Variants in SPECC1 observed in about 807,000 individuals in gnomAD.
SPECC1 encodes the protein sperm antigen with calponin homology and coiled-coil domains 1, also known as cytospin-B.
In SPECC1, 62 loss-of-function variants were observed where a neutral mutation model predicts 104.1. That is an observed-to-expected ratio of 0.60 (90% CI 0.49 to 0.74). The LOEUF is 0.74. Ranked by LOEUF, SPECC1 falls within the 30% of genes least tolerant of loss-of-function variation. The pLI, the probability that SPECC1 is intolerant of heterozygous loss-of-function variation, is 0.00. For synonymous variants in SPECC1, 513 were observed against 501.6 expected (o/e 1.02, Z -0.30); for missense variants, 1,306 against 1,310.5 (o/e 1.00, Z 0.05).
intron 7 of SPECC1, chr17:20,239,057 C>T: frequency 9.7e-7 from 1 of 1,032,638 alleles, no homozygotes; most frequent in Non-Finnish European, 1.2e-6. Context: ...AGGAGGTTGA[C>T]ATGGAATATG....
intron 1 of SPECC1, among the ~76,000 whole-genome samples, chr17:20,041,983 C>G (rs944569390): frequency 1.3e-5 from 2 of 152,174 alleles, no homozygotes; most frequent in Non-Finnish European, 2.9e-5. Flanking sequence ...TATCTGTGCT[C>G]TCTTAGTGCT....
At chr17:20,013,327 G>A (rs2044004535) in intron 1 of SPECC1, among the ~76,000 whole-genome samples, 2 of 152,154 alleles carry the variant, frequency 1.3e-5, no homozygotes, top group Non-Finnish European at 2.9e-5. Context: ...CCAGCAATGC[G>A]TGAGAATTTC....
At chr17:20,027,839 T>A (rs1051701454) in intron 1 of SPECC1, among the ~76,000 whole-genome samples, 9 of 152,216 alleles carry the variant, frequency 5.9e-5, no homozygotes, top group African/African-American at 1.7e-4. Context: ...AGCTTTGTTC[T>A]TTTTGCTTAA....
intron 1 of SPECC1, among the ~76,000 whole-genome samples, chr17:20,043,089 G>A (rs1301549500): frequency 6.6e-6 from 1 of 152,198 alleles, no homozygotes; most frequent in Non-Finnish European, 1.5e-5. Flanking sequence ...TCTTTGGAGA[G>A]GCCAAGCAAG....
intron 1 of SPECC1, among the ~76,000 whole-genome samples, chr17:20,015,830 C>T (rs1162449449): frequency 6.7e-6 from 1 of 150,110 alleles, no homozygotes; most frequent in African/African-American, 2.4e-5. Flanking sequence ...GTGATCCGCC[C>T]GCCTCGGCCT....
intron 12 of SPECC1, among the ~76,000 whole-genome samples, chr17:20,288,560 G>A (rs1258051987): frequency 1.3e-5 from 2 of 152,104 alleles, no homozygotes; most frequent in Non-Finnish European, 2.9e-5. Context: ...CCAGAATGGC[G>A]ATTATTAAAA....
rs371442923 is a variant in SPECC1 at position 20,257,499 on chromosome 17, G to A, written c.2729G>A (p.Arg910His). The A allele has an allele frequency of 3.8e-5, 61 of 1,609,926 alleles. No individual in the cohort carries two copies. In the African/African-American group the frequency reaches 5.0e-4, roughly 13 times the overall value. ...TETLKPDPHL[R>H]KSPSLESLSR... Reference sequence around the variant, plus strand: ...ACCCTGAAGCCAGACCCCCACCTCCGCAAGAGTCCCTCACTAGAGTCACTG... The same window carrying A: ...ACCCTGAAGCCAGACCCCCACCTCCACAAGAGTCCCTCACTAGAGTCACTG... Residue 910 changes from arginine to histidine, a missense_variant, in exon 11 of 15, where the codon CGC becomes CAC. Around this residue, in one of 2 missense-constraint regions of SPECC1, gnomAD observed 1,177 missense variants for 1,139.9 expected, o/e 1.03. Coordinates refer to ENST00000395527, the MANE Select transcript of SPECC1 (RefSeq NM_001243439.2).
intron 7 of SPECC1, among the ~76,000 whole-genome samples, chr17:20,245,446 T>A (rs1261227796): frequency 6.6e-6 from 1 of 152,122 alleles, no homozygotes; most frequent in Non-Finnish European, 1.5e-5. Context: ...GTCTTTCTGA[T>A]TGGTGGAACT....
intron 1 of SPECC1, among the ~76,000 whole-genome samples, chr17:20,041,651 G>A (rs1244844782): frequency 1.9e-4 from 20 of 104,736 alleles, no homozygotes; most frequent in African/African-American, 6.4e-4. Flanking sequence ...TTTTTGGGAC[G>A]AAGTCTTGCT....
chr17:20,039,008 A>G (rs973892389), intron 1 of SPECC1, among the ~76,000 whole-genome samples: 1 of 152,140 alleles, frequency 6.6e-6, no homozygotes, highest in Non-Finnish European at 1.5e-5. Flanking sequence ...CCTTTTTTAT[A>G]TTTGTAGAGT....
chr17:20,093,829 C>T lies in SPECC1; in HGVS notation c.-21-2802C>T, dbSNP rs143436039. 2.0e-5 allele frequency among the ~76,000 whole-genome samples: 3 copies of T among 150,658 alleles called. No homozygotes were observed. The East Asian group carries it at 5.9e-4, about 30-fold the overall frequency. ...CACTACAACCTCTGCCTCCCGGGTT[C>T]AAGTGATTTTCATGCCTCATCTCCC... is the stretch of plus-strand genomic sequence containing the variant. On this transcript the variant is annotated intron_variant, in intron 1 of 14. Coordinates refer to ENST00000395527, the MANE Select transcript of SPECC1 (RefSeq NM_001243439.2).
At position 20,232,399 on chromosome 17, in the gene SPECC1, C is replaced by G; in HGVS notation, c.2345C>G (p.Ala782Gly). 1 of 1,607,028 alleles carries G rather than the reference C, an allele frequency of 6.2e-7. No individual in the cohort carries two copies. The highest frequency in any genetic ancestry group is 1.1e-5 in the South Asian group (1 of 90,392). Residue 782 changes from alanine (A) to glycine (G), a missense_variant, in exon 7 of 15, where the codon GCC becomes GGC. Transcript: ENST00000395527. ...GHGRVVTSRAAPPPVDEEPES... is the reference protein window; with the variant it reads ...GHGRVVTSRAGPPPVDEEPES... The stretch of plus-strand genomic sequence containing the variant: ...GGCAGGGTGGTCACCAGCAGAGCCG[C>G]CCCTCCGTGAGTCTGGTGGGCACCA...
chr17:20,270,433 CAAAAAAAAAAAAAAAA>C (rs71157863), intron 12 of SPECC1, among the ~76,000 whole-genome samples: 68 of 43,580 alleles, frequency 1.6e-3, no homozygotes, highest in Admixed American at 2.7e-3. Flanking sequence ...CTGTCTTTAC[CAAAAAAAAAAAAAAAA>C]AAAAAAAAAA....
chr17:20,029,384 CTTGT>C (rs1430552021), intron 1 of SPECC1, among the ~76,000 whole-genome samples: 1 of 152,092 alleles, frequency 6.6e-6, no homozygotes, highest in African/African-American at 2.4e-5. Flanking sequence ...CCTTGCTGAA[CTTGT>C]TTATCAGTTA....
At chr17:20,236,575 T>C (rs2038924538) in intron 7 of SPECC1, among the ~76,000 whole-genome samples, 1 of 151,200 alleles carries the variant, frequency 6.6e-6, no homozygotes, top group South Asian at 2.1e-4. Context: ...GTGTTCATCC[T>C]GGACATCTCT....
chr17:20,314,029 G>C lies in SPECC1; in HGVS notation c.3171G>C (p.Gln1057His). The C allele has an allele frequency of 6.2e-7, 1 of 1,614,194 alleles. No homozygotes were observed. The highest frequency in any genetic ancestry group is 8.5e-7 in the Non-Finnish European group (1 of 1,180,036). The change falls in exon 15 of 15, where the codon CAG (glutamine) becomes CAC (histidine). Residue 1057 changes from glutamine (Q) to histidine (H), a missense_variant. Around this residue, in one of 2 missense-constraint regions of SPECC1, gnomAD observed 129 missense variants for 170.6 expected, o/e 0.76. Transcript: ENST00000395527. ...GGCCCGACTGGCAGAGTGTGATGCA[G>C]TACGTGGCCCAAATCTACAAGTACT... ...TDRPDWQSVM[Q>H]YVAQIYKYFE... is the part of the protein sequence containing the mutation.
chr17:20,052,531 C>T (rs182159435), intron 1 of SPECC1, among the ~76,000 whole-genome samples: 1 of 152,302 alleles, frequency 6.6e-6, no homozygotes, highest in African/African-American at 2.4e-5. Flanking sequence ...GATACCTTAA[C>T]GCCTTATCCA....
At chr17:20,240,376 A>G (rs2039147832) in intron 7 of SPECC1, among the ~76,000 whole-genome samples, 1 of 151,898 alleles carries the variant, frequency 6.6e-6, no homozygotes, top group Non-Finnish European at 1.5e-5. Flanking sequence ...TATCCCCTAT[A>G]TTATGAGCCT....
chr17:20,306,380 A>G (rs2041764807), intron 14 of SPECC1, among the ~76,000 whole-genome samples: 1 of 152,242 alleles, frequency 6.6e-6, no homozygotes, highest in South Asian at 2.1e-4. Flanking sequence ...ATGCTATGTT[A>G]AAAAATATCA....
Sources: allele counts gnomAD v4.1 joint callset (sites outside exome capture counted in the v4.1 genomes callset), GRCh38; gene constraint gnomAD v4.1.1; regional missense constraint gnomAD v4.1.1; transcripts MANE v1.5; gene names NCBI Gene and HGNC (gene_info 2026-07-23, HGNC 2026-07-21).